Variants in TGFB2 observed in about 807,000 individuals in gnomAD.
TGFB2 encodes transforming growth factor beta 2.
In TGFB2, 13 loss-of-function variants were observed where a neutral mutation model predicts 42.7. The observed-to-expected ratio is 0.30, with a 90% CI of 0.20 to 0.48. TGFB2 has a LOEUF of 0.48. Ranked by LOEUF, TGFB2 falls within the 20% of genes least tolerant of loss-of-function variation. TGFB2 has a pLI of 0.99. For missense variants in TGFB2, 390 were observed against 517.5 expected, an observed-to-expected ratio of 0.75 and a Z score of 2.39; for synonymous variants, 193 against 193.6, an observed-to-expected ratio of 1.00 and a Z score of 0.03.
At chr1:218,390,341 A>G (rs1571862063) in intron 1 of TGFB2, among the ~76,000 whole-genome samples, 1 of 148,410 alleles carries the variant, frequency 6.7e-6, no homozygotes, top group East Asian at 1.9e-4. Flanking sequence ...TCCCCAAAGA[A>G]AAAAAAAAAC....
rs927093986 is a variant in TGFB2, at chr1:218,443,437, A to G, written c.*2075A>G. On this transcript the variant is annotated 3_prime_UTR_variant, in exon 7 of 7. Transcript: ENST00000366930. ...TTGGAATTTCCTGACCATTAATTAA[A>G]GAATTGGATTTGCAAGTTTGAAAAC... 1.8e-4 allele frequency: 28 copies of G among 152,224 alleles called. No individual in the cohort carries two copies. Among genetic ancestry groups the G allele is most frequent in the African/African-American group, 6.8e-4 (28 of 41,464 alleles). The allele number at this position is 152,224 out of a possible 1,614,324, so 9.4% of individuals were successfully genotyped here.
chr1:218,394,625 C>A (rs1658436812), intron 1 of TGFB2, among the ~76,000 whole-genome samples: 1 of 152,166 alleles, frequency 6.6e-6, no homozygotes. Context: ...CTGATATCAT[C>A]CCCCTCTCGG....
At chr1:218,406,516 T>A (rs1484206911) in intron 2 of TGFB2, among the ~76,000 whole-genome samples, 1 of 152,178 alleles carries the variant, frequency 6.6e-6, no homozygotes, top group African/African-American at 2.4e-5. Flanking sequence ...AAAGAACCAC[T>A]TGAAAAATCC....
At chr1:218,427,558 C>T (rs1659664522) in intron 2 of TGFB2, among the ~76,000 whole-genome samples, 1 of 152,062 alleles carries the variant, frequency 6.6e-6, no homozygotes, top group Non-Finnish European at 1.5e-5. Context: ...TTGTTCAATT[C>T]CCACCTATGA....
intron 1 of TGFB2, among the ~76,000 whole-genome samples, chr1:218,374,120 T>G (rs1657662600): frequency 6.6e-6 from 1 of 152,248 alleles, no homozygotes; most frequent in African/African-American, 2.4e-5. Context: ...GTTTTCATTT[T>G]GTTCCCTGAA....
chr1:218,382,600 G>C (rs1249678810), intron 1 of TGFB2, among the ~76,000 whole-genome samples: 1 of 152,164 alleles, frequency 6.6e-6, no homozygotes, highest in Non-Finnish European at 1.5e-5. Flanking sequence ...TTGTTTTGTG[G>C]AAAGTGAGAT....
At chr1:218,418,201 A>T (rs908181937) in intron 2 of TGFB2, among the ~76,000 whole-genome samples, 1 of 152,214 alleles carries the variant, frequency 6.6e-6, no homozygotes, top group Non-Finnish European at 1.5e-5. Context: ...GGGGGGCTAT[A>T]CCTTGCAAAG....
chr1:218,387,457 G>C (rs1280145139), intron 1 of TGFB2, among the ~76,000 whole-genome samples: 1 of 152,144 alleles, frequency 6.6e-6, no homozygotes, highest in Non-Finnish European at 1.5e-5. Flanking sequence ...TCCTGGAAAA[G>C]GCATGCCCAG....
At chr1:218,375,364 T>A (rs1322542618) in intron 1 of TGFB2, among the ~76,000 whole-genome samples, 1 of 150,934 alleles carries the variant, frequency 6.6e-6, no homozygotes, top group Non-Finnish European at 1.5e-5. Context: ...CTGGGTAAAA[T>A]CCTGACTGTG....
rs565465329 is a variant in TGFB2, at chr1:218,435,455, G to C, written c.755-515G>C. On this transcript the variant is annotated intron_variant, in intron 4 of 6. Transcript: ENST00000366930. ...CCTTTCTTCACAGCTTCCCAAAATAGCATTAGGTAAGGGTGACTTCTGTTT... is the reference window on the plus strand; with the variant it reads ...CCTTTCTTCACAGCTTCCCAAAATACCATTAGGTAAGGGTGACTTCTGTTT... 2.6e-5 allele frequency among the ~76,000 whole-genome samples: 4 copies of C among 152,278 alleles called. No individual in the cohort carries two copies. In the South Asian group the frequency reaches 8.3e-4, roughly 32 times the overall value.
chr1:218,415,098 A>G (rs1659229902), intron 2 of TGFB2, among the ~76,000 whole-genome samples: 1 of 152,220 alleles, frequency 6.6e-6, no homozygotes, highest in Admixed American at 6.5e-5. Context: ...TAAAATGCAG[A>G]TGAAAGCACC....
chr1:218,426,169 A>G (rs1659617784), intron 2 of TGFB2, among the ~76,000 whole-genome samples: 1 of 152,200 alleles, frequency 6.6e-6, no homozygotes, highest in African/African-American at 2.4e-5. Context: ...GAATAGCCCC[A>G]TGGTCTCCTG....
At chr1:218,401,317 A>AT (rs1055161156) in intron 1 of TGFB2, among the ~76,000 whole-genome samples, 3 of 152,134 alleles carry the variant, frequency 2.0e-5, no homozygotes, top group Non-Finnish European at 4.4e-5. Flanking sequence ...GACTAGTTAG[A>AT]TTTTCTCAGG....
At chr1:218,433,072 A>T (rs1266204817) in intron 2 of TGFB2, among the ~76,000 whole-genome samples, 1 of 151,502 alleles carries the variant, frequency 6.6e-6, no homozygotes, top group East Asian at 1.9e-4. Flanking sequence ...CTTTTTCTTT[A>T]TTTTTTTTGT....
intron 2 of TGFB2, among the ~76,000 whole-genome samples, chr1:218,425,576 G>T (rs1294605725): frequency 6.6e-6 from 1 of 152,126 alleles, no homozygotes; most frequent in Non-Finnish European, 1.5e-5. Context: ...TTTCTGTGAA[G>T]GGCTAAAAAC....
chr1:218,360,583 G>T (rs1342037344), intron 1 of TGFB2, among the ~76,000 whole-genome samples: 1 of 152,116 alleles, frequency 6.6e-6, no homozygotes, highest in South Asian at 2.1e-4. Context: ...TAGGTGATGG[G>T]GTTGATAGGT....
intron 1 of TGFB2, among the ~76,000 whole-genome samples, chr1:218,397,540 T>G (rs1398963140): frequency 1.3e-4 from 18 of 138,974 alleles, no homozygotes; most frequent in African/African-American, 3.9e-4. Context: ...CTCCAACCTG[T>G]GCAACAGAGC....
intron 3 of TGFB2, 23 bp from the exon 4 acceptor site, chr1:218,434,315 C>G (rs745885681): frequency 6.2e-7 from 1 of 1,612,260 alleles, no homozygotes; most frequent in Non-Finnish European, 8.5e-7. Context: ...TACAAATGAC[C>G]TCCTTGACTT....
chr1:218,408,187 A>C (rs1571877886), intron 2 of TGFB2, among the ~76,000 whole-genome samples: 2 of 152,176 alleles, frequency 1.3e-5, no homozygotes. Context: ...TGGCCCCTTG[A>C]CCCTGTCCTC....
Sources: allele counts gnomAD v4.1 joint callset (sites outside exome capture counted in the v4.1 genomes callset), GRCh38; gene constraint gnomAD v4.1.1; transcripts MANE v1.5; gene names NCBI Gene and HGNC (gene_info 2026-07-23, HGNC 2026-07-21).